Variants in RORA observed in about 807,000 individuals in gnomAD.
RORA encodes the protein RAR related orphan receptor A.
RORA carries 7 observed loss-of-function variants against 69.5 expected under a neutral mutation model. The observed-to-expected ratio is 0.10, with a 90% confidence interval of 0.06 to 0.19. RORA has a LOEUF of 0.19. Ranked by LOEUF, RORA falls within the 10% of genes least tolerant of loss-of-function variation. The probability of loss-of-function intolerance (pLI) is 1.00; values close to 1 mark genes in which losing one functional copy is unlikely to be tolerated. For synonymous variants in RORA, 261 were observed against 240.8 expected, an observed-to-expected ratio of 1.08 and a Z score of -0.78; for missense variants, 457 against 663.0, an observed-to-expected ratio of 0.69 and a Z score of 3.41.
intron 1 of RORA, among the ~76,000 whole-genome samples, chr15:61,181,953 T>A (rs539807151): frequency 1.3e-5 from 2 of 152,340 alleles, no homozygotes; most frequent in South Asian, 4.1e-4. Flanking sequence ...CCATCCACTA[T>A]AATTGGATGT....
In RORA at chr15:61,030,851, G is replaced by A. The variant is rs574741579; in HGVS notation, c.166+198202C>T. ...CTTCCCCATTAATTTTGAGAAAAAC[G>A]CAAATGATTGTGAAGGATATTAGAA... On this transcript the variant is annotated intron_variant, in intron 1 of 10. Transcript: ENST00000335670. Among the ~76,000 whole-genome samples, 10 of 152,150 alleles carry A rather than the reference G, an allele frequency of 6.6e-5. No homozygotes were observed. In the East Asian group the frequency reaches 7.7e-4, roughly 12 times the overall value.
chr15:60,932,384 A>G (rs114298498), intron 1 of RORA, among the ~76,000 whole-genome samples: 2 of 152,186 alleles, frequency 1.3e-5, no homozygotes, highest in African/African-American at 2.4e-5. Context: ...TAATTCCTTC[A>G]GATATCACAG....
intron 1 of RORA, among the ~76,000 whole-genome samples, chr15:60,875,344 C>A (rs995252380): frequency 1.3e-5 from 2 of 152,164 alleles, no homozygotes; most frequent in East Asian, 3.8e-4. Context: ...ATAATCTACC[C>A]CCCTAAAAAA....
intron 2 of RORA, among the ~76,000 whole-genome samples, chr15:60,555,719 G>A (rs1351391152): frequency 6.6e-6 from 1 of 151,998 alleles, no homozygotes; most frequent in Non-Finnish European, 1.5e-5. Context: ...GAAGGTGGTG[G>A]CTGAAACGGA....
At chr15:60,792,247 C>T (rs2072428084) in intron 1 of RORA, among the ~76,000 whole-genome samples, 1 of 151,998 alleles carries the variant, frequency 6.6e-6, no homozygotes, top group Non-Finnish European at 1.5e-5. Flanking sequence ...AGAAAGTATT[C>T]AATCTTAAGA....
chr15:60,815,502 C>T (rs1205972310), intron 1 of RORA, among the ~76,000 whole-genome samples: 2 of 152,120 alleles, frequency 1.3e-5, no homozygotes, highest in Admixed American at 6.6e-5. Context: ...AACAAAGTGG[C>T]TTGTTTTCAC....
intron 1 of RORA, among the ~76,000 whole-genome samples, chr15:60,965,290 G>T (rs1324108512): frequency 6.6e-6 from 1 of 152,076 alleles, no homozygotes; most frequent in East Asian, 1.9e-4. Flanking sequence ...TCAATACCCT[G>T]TCATAGAGCA....
At chr15:60,878,455 A>G (rs935945748) in intron 1 of RORA, among the ~76,000 whole-genome samples, 9 of 151,898 alleles carry the variant, frequency 5.9e-5, no homozygotes, top group Non-Finnish European at 1.2e-4. Flanking sequence ...CAAATTTGGC[A>G]TTACCCAGTT....
At chr15:60,756,022 G>C (rs1463424956) in intron 1 of RORA, among the ~76,000 whole-genome samples, 1 of 152,172 alleles carries the variant, frequency 6.6e-6, no homozygotes. Context: ...CCCTTGTGGG[G>C]CTTATCATCC....
intron 1 of RORA, among the ~76,000 whole-genome samples, chr15:61,149,313 T>C (rs1257691922): frequency 2.0e-5 from 3 of 152,114 alleles, no homozygotes; most frequent in African/African-American, 7.2e-5. Context: ...CCATCTCTGG[T>C]CTTTCTTGTC....
chr15:60,955,892 T>C (rs914125112), intron 1 of RORA, among the ~76,000 whole-genome samples: 4 of 152,240 alleles, frequency 2.6e-5, no homozygotes, highest in Admixed American at 1.3e-4. Context: ...ACGTATATTC[T>C]GCAAAGAGGT....
chr15:60,981,345 T>C (rs1894039631), intron 1 of RORA, among the ~76,000 whole-genome samples: 1 of 152,178 alleles, frequency 6.6e-6, no homozygotes, highest in South Asian at 2.1e-4. Context: ...TATAGATTGA[T>C]ATTTTTTATC....
intron 1 of RORA, among the ~76,000 whole-genome samples, chr15:60,710,287 G>A (rs996320126): frequency 2.6e-5 from 4 of 152,168 alleles, no homozygotes; most frequent in African/African-American, 9.6e-5. Context: ...TCAGGAGTTC[G>A]AGACCAGCCT....
Position 60,497,251 on chromosome 15 carries a change from G to A in RORA, c.*204C>T. The A allele has an allele frequency of 1.9e-6, 1 of 530,152 alleles. No homozygotes were observed. Among genetic ancestry groups the A allele is most frequent in the East Asian group, 3.0e-5 (1 of 32,892 alleles). The allele number at this position is 530,152 out of a possible 1,614,324, so 32.8% of individuals were successfully genotyped here. A position where few individuals can be genotyped will look rare whatever the true frequency, so the allele number is the denominator to read the frequency against. ...AGGGTCCATATCTGTAGGCATAATG[G>A]AAATCATATGCATGAGAAAAACAAG... On this transcript the variant is annotated 3_prime_UTR_variant, in exon 11 of 11. Coordinates refer to ENST00000335670, the MANE Select transcript of RORA (RefSeq NM_134261.3).
At chr15:60,922,001 G>A (rs1892061998) in intron 1 of RORA, among the ~76,000 whole-genome samples, 2 of 152,130 alleles carry the variant, frequency 1.3e-5, no homozygotes, top group African/African-American at 4.8e-5. Context: ...ATAATTATCA[G>A]CCTATGGCCA....
intron 1 of RORA, among the ~76,000 whole-genome samples, chr15:60,777,912 A>G (rs1474206017): frequency 2.0e-5 from 3 of 152,362 alleles, no homozygotes; most frequent in Middle Eastern, 6.8e-3. Flanking sequence ...CGGTTGCCTC[A>G]CAAAAGCACA....
chr15:60,776,118 G>T (rs1035417563), intron 1 of RORA, among the ~76,000 whole-genome samples: 1 of 152,202 alleles, frequency 6.6e-6, no homozygotes, highest in African/African-American at 2.4e-5. Flanking sequence ...GGCTAGAATT[G>T]AGTGTAGACA....
At chr15:61,203,189 C>A (rs1199977106) in intron 1 of RORA, among the ~76,000 whole-genome samples, 1 of 152,130 alleles carries the variant, frequency 6.6e-6, no homozygotes, top group Non-Finnish European at 1.5e-5. Context: ...AAAGGACAGA[C>A]AAACATAGTC....
At chr15:60,900,692 T>C (rs1445480827) in intron 1 of RORA, among the ~76,000 whole-genome samples, 2 of 152,080 alleles carry the variant, frequency 1.3e-5, no homozygotes, top group East Asian at 3.9e-4. Flanking sequence ...GCCAACACGG[T>C]GAAACCCCGT....
Sources: gnomAD v4.1 joint callset for allele counts (sites outside exome capture counted in the v4.1 genomes callset) on GRCh38, gnomAD v4.1.1 for gene constraint, MANE v1.5 for transcripts, NCBI Gene and HGNC (gene_info 2026-07-23, HGNC 2026-07-21) for gene names.